The following ATP2B1 variants were observed in gnomAD, a reference collection of about 807,000 sequenced individuals.
ATP2B1 encodes ATPase plasma membrane Ca2+ transporting 1, also known as plasma membrane calcium-transporting ATPase 1.
ATP2B1 carries 14 observed loss-of-function variants against 124.2 expected under a neutral mutation model. That is an observed-to-expected ratio of 0.11 (90% CI 0.07 to 0.18). The LOEUF (loss-of-function observed/expected upper bound fraction) is 0.18, where lower values mean the gene tolerates loss of function less well. Ranked by LOEUF, ATP2B1 falls within the 10% of genes least tolerant of loss-of-function variation. The probability of loss-of-function intolerance (pLI) is 1.00; values close to 1 mark genes in which losing one functional copy is unlikely to be tolerated. For missense variants in ATP2B1, 763 were observed against 1,466.1 expected (o/e 0.52, Z 7.83); for synonymous variants, 449 against 492.4 (o/e 0.91, Z 1.17).
intron 18 of ATP2B1, 26 bp from the exon 19 acceptor site, chr12:89,601,459 T>C: frequency 2.1e-6 from 3 of 1,418,140 alleles, no homozygotes; most frequent in Non-Finnish European, 2.9e-6. Flanking sequence ...AGAGTAAATT[T>C]ACTTAAATCT....
At chr12:89,623,686 T>C (rs1880364548) in intron 9 of ATP2B1, among the ~76,000 whole-genome samples, 2 of 152,090 alleles carry the variant, frequency 1.3e-5, no homozygotes, top group South Asian at 2.1e-4. Flanking sequence ...GAGAAGGGAA[T>C]TGAGCACTGA....
intron 5 of ATP2B1, among the ~76,000 whole-genome samples, chr12:89,634,129 C>T (rs1475078391): frequency 6.6e-6 from 1 of 152,106 alleles, no homozygotes; most frequent in Non-Finnish European, 1.5e-5. Context: ...CAAGCTGTCA[C>T]CCTCCATTTC....
intron 11 of ATP2B1, among the ~76,000 whole-genome samples, chr12:89,619,180 C>T (rs945040018): frequency 8.5e-5 from 13 of 152,258 alleles, no homozygotes; most frequent in Admixed American, 5.2e-4. Context: ...GACACTGCAG[C>T]AGCATAAACA....
chr12:89,642,455 C>T (rs1883696137), intron 2 of ATP2B1, 100 bp from the exon 3 acceptor site: 3 of 1,134,468 alleles, frequency 2.6e-6, no homozygotes, highest in East Asian at 2.4e-5. Context: ...CTAGACCCTA[C>T]CAAAATGTTT....
At chr12:89,619,882 C>CT in intron 11 of ATP2B1, 117 bp downstream of exon 11, 1 of 1,338,482 alleles carries the variant, frequency 7.5e-7, no homozygotes, top group South Asian at 1.5e-5. Flanking sequence ...CTAAAAAACT[C>CT]TGAGGTCCTA....
intron 2 of ATP2B1, among the ~76,000 whole-genome samples, chr12:89,654,035 G>T (rs1201145526): frequency 1.3e-5 from 2 of 152,142 alleles, no homozygotes; most frequent in East Asian, 1.9e-4. Context: ...TCAATTTGAT[G>T]ATGATAAAAC....
Position 89,590,991 on chromosome 12 carries a change from G to A in ATP2B1, c.3656C>T (p.Ser1219Leu), listed in dbSNP as rs933995617. The change falls in exon 21 of 21, where the codon TCA becomes TTA. Residue 1219 changes from serine to leucine, a missense_variant. Ser to Leu is a moderately radical substitution (Grantham distance 145, BLOSUM62 -2). Transcript: ENST00000428670. ...PGSPLHSLET[S>L]L ...TTAACATTCAGCTTACAATCAGAGT[G>A]ATGTTTCCAAACTATGTAGTGGGCT... is the stretch of plus-strand genomic sequence containing the variant. 3 of 1,611,456 alleles carry A rather than the reference G, an allele frequency of 1.9e-6. No homozygotes were observed. The highest frequency in any genetic ancestry group is 2.5e-6 in the Non-Finnish European group (3 of 1,178,078).
intron 1 of ATP2B1, among the ~76,000 whole-genome samples, chr12:89,672,372 T>C (rs1888102124): frequency 6.6e-6 from 1 of 152,036 alleles, no homozygotes; most frequent in South Asian, 2.1e-4. Flanking sequence ...AAGGATTGCT[T>C]GAATCTGGGA....
At chr12:89,607,500 T>A (rs960237258) in intron 15 of ATP2B1, among the ~76,000 whole-genome samples, 1 of 152,190 alleles carries the variant, frequency 6.6e-6, no homozygotes, top group Non-Finnish European at 1.5e-5. Context: ...TCACTTCTAA[T>A]GTTCCGGGAC....
intron 15 of ATP2B1, among the ~76,000 whole-genome samples, chr12:89,606,697 C>T (rs1003632289): frequency 7.3e-5 from 11 of 151,708 alleles, no homozygotes; most frequent in Admixed American, 3.3e-4. Context: ...CCTCAGCCTC[C>T]GGAGTAGCTA....
intron 15 of ATP2B1, among the ~76,000 whole-genome samples, chr12:89,604,698 T>G (rs986241880): frequency 6.6e-6 from 1 of 151,924 alleles, no homozygotes; most frequent in African/African-American, 2.4e-5. Context: ...AAAAGGAGAT[T>G]CTACCAAAAA....
intron 8 of ATP2B1, among the ~76,000 whole-genome samples, chr12:89,625,306 G>A (rs1482550318): frequency 6.9e-6 from 1 of 145,388 alleles, no homozygotes; most frequent in Admixed American, 6.8e-5. Context: ...AGAGGCAGCT[G>A]GGCGCAGTGG....
rs1326093863 is a variant in ATP2B1 at position 89,604,180 on chromosome 12, G to C, written c.2609C>G (p.Ala870Gly). 1 of 1,613,860 alleles carries C rather than the reference G, an allele frequency of 6.2e-7. No homozygotes were observed. The highest frequency in any genetic ancestry group is 8.5e-7 in the Non-Finnish European group (1 of 1,179,966). Residue 870 changes from alanine to glycine, a missense_variant, in exon 16 of 21, where the codon GCT becomes GGT. This residue lies in a region of ATP2B1 where 51 missense variants were observed against 192.8 expected (regional missense o/e 0.26). Transcript: ENST00000428670. ...TTGAGTAATGCAGGCGCCCGTAAAA[G>C]CAACAATCACTGCTACTACATTAAC... ...LTVNVVAVIV[A>G]FTGACITQDS...
At chr12:89,622,922 A>C (rs1453609460) in intron 9 of ATP2B1, among the ~76,000 whole-genome samples, 1 of 152,204 alleles carries the variant, frequency 6.6e-6, no homozygotes, top group Non-Finnish European at 1.5e-5. Context: ...AGTATCATTA[A>C]TGACTACTCA....
At chr12:89,639,036 T>C (rs1883111149) in intron 3 of ATP2B1, among the ~76,000 whole-genome samples, 1 of 152,202 alleles carries the variant, frequency 6.6e-6, no homozygotes, top group African/African-American at 2.4e-5. Context: ...GATTTATTTA[T>C]GGTTTGGGCT....
In ATP2B1 at chr12:89,598,492, G is replaced by A. The variant is rs984122467; in HGVS notation, c.3351+625C>T. On this transcript the variant is annotated intron_variant, in intron 20 of 20. Coordinates refer to ENST00000428670, the MANE Select transcript of ATP2B1 (RefSeq NM_001366521.1). ...TACGAAAAGAAAGCTTTATGAAAAAGCCTGAACAATGAATTCAAACATTAA... is the reference window on the plus strand; with the variant it reads ...TACGAAAAGAAAGCTTTATGAAAAAACCTGAACAATGAATTCAAACATTAA... 5 of 1,359,400 alleles carry A rather than the reference G, an allele frequency of 3.7e-6. No individual in the cohort carries two copies. The African/African-American group carries it at 7.4e-5, about 20-fold the overall frequency. 84.2% of individuals were successfully genotyped at this position (1,359,400 alleles called of 1,614,324 possible).
rs866599773 is a variant in ATP2B1 at position 89,653,452 on chromosome 12, G to A, written c.208+2227C>T. Among the ~76,000 whole-genome samples, 32 of 151,118 alleles carry A rather than the reference G, an allele frequency of 2.1e-4. No homozygotes were observed. In the South Asian group the frequency reaches 4.4e-3, roughly 21 times the overall value. Reference sequence around the variant, plus strand: ...GCTGGGACTACAGGCGCCCGCCACCGCGCCCGGCTAATTTTTTTGTATTTT... The same window carrying A: ...GCTGGGACTACAGGCGCCCGCCACCACGCCCGGCTAATTTTTTTGTATTTT... On this transcript the variant is annotated intron_variant, in intron 2 of 20. Transcript: ENST00000428670.
intron 1 of ATP2B1, among the ~76,000 whole-genome samples, chr12:89,690,724 C>G (rs900331979): frequency 6.6e-6 from 1 of 152,044 alleles, no homozygotes; most frequent in Non-Finnish European, 1.5e-5. Context: ...ACTGGAAATA[C>G]CACATTTAAT....
In ATP2B1 at chr12:89,590,767, T is replaced by A. The variant is rs1873404779; in HGVS notation, c.*217A>T. On this transcript the variant is annotated 3_prime_UTR_variant, in exon 21 of 21. Transcript: ENST00000428670. Reference sequence around the variant, plus strand: ...CACTTACGCTGAGTTACTGTTTATCTGTCAGTTCATTTCTCCCACCCCCCA... The same window carrying A: ...CACTTACGCTGAGTTACTGTTTATCAGTCAGTTCATTTCTCCCACCCCCCA... 2.0e-6 allele frequency: 1 copy of A among 502,266 alleles called. No individual in the cohort carries two copies. The highest frequency in any genetic ancestry group is 3.6e-6 in the Non-Finnish European group (1 of 280,716). 31.1% of individuals were successfully genotyped at this position (502,266 alleles called of 1,614,324 possible). A position where few individuals can be genotyped will look rare whatever the true frequency, so the allele number is the denominator to read the frequency against.
Sources: allele counts gnomAD v4.1 joint callset (sites outside exome capture counted in the v4.1 genomes callset), GRCh38; gene constraint gnomAD v4.1.1; regional missense constraint gnomAD v4.1.1; transcripts MANE v1.5; gene names NCBI Gene and HGNC (gene_info 2026-07-23, HGNC 2026-07-21).